Variants in PYGO1 observed in about 807,000 individuals in gnomAD.
PYGO1 encodes the protein pygopus homolog 1.
PYGO1 carries 6 observed loss-of-function variants against 29.5 expected under a neutral mutation model. The ratio of observed to expected loss-of-function variants is 0.20; its 90% CI spans 0.11 to 0.40. The LOEUF (loss-of-function observed/expected upper bound fraction) is 0.40. Among genes scored for constraint, PYGO1 ranks in the 10% least tolerant of loss-of-function variants. The pLI is 1.00. For synonymous variants in PYGO1, 186 were observed against 180.5 expected, an observed-to-expected ratio of 1.03 and a Z score of -0.24; for missense variants, 515 against 514.9, an observed-to-expected ratio of 1.00 and a Z score of 0.00.
At chr15:55,553,242 T>C (rs6493796) in intron 1 of PYGO1, among the ~76,000 whole-genome samples, 1 of 151,800 alleles carries the variant, frequency 6.6e-6, no homozygotes, top group African/African-American at 2.4e-5. Context: ...ACTCTCCCCA[T>C]GATGGAGCCC....
At chr15:55,578,900 T>C (rs773719345) in intron 1 of PYGO1, among the ~76,000 whole-genome samples, 38 of 152,208 alleles carry the variant, frequency 2.5e-4, no homozygotes, top group African/African-American at 6.0e-4. Flanking sequence ...ACTAAGCTTA[T>C]CTACCTCTAA....
In PYGO1 at chr15:55,546,046, A is replaced by G; in HGVS notation, c.1237T>C (p.Ser413Pro). 6.2e-7 allele frequency: 1 copy of G among 1,611,496 alleles called. No homozygotes were observed. Among genetic ancestry groups the G allele is most frequent in the African/African-American group, 1.3e-5 (1 of 75,006 alleles). ...LMRTRETFGP[S>P]AVGSDA ...GATTAAGCATCACTGCCCACTGCAGATGGACCAAAAGTTTCTCTAGTACGC... is the reference window on the plus strand; with the variant it reads ...GATTAAGCATCACTGCCCACTGCAGGTGGACCAAAAGTTTCTCTAGTACGC... Residue 413 changes from serine to proline, a missense_variant, in exon 3 of 3, where the codon TCT becomes CCT. Transcript: ENST00000563719.
chr15:55,553,566 C>G (rs2058889684), intron 1 of PYGO1, among the ~76,000 whole-genome samples: 1 of 151,984 alleles, frequency 6.6e-6, no homozygotes, highest in African/African-American at 2.4e-5. Context: ...CACTTGCCAC[C>G]ACCACTAACT....
At position 55,541,859 on chromosome 15, in the gene PYGO1, T is replaced by C. The variant is rs113112482; in HGVS notation, c.*4164A>G. The C allele has an allele frequency of 6.6e-6, 1 of 152,304 alleles. No homozygotes were observed. The highest frequency in any genetic ancestry group is 2.4e-5 in the African/African-American group (1 of 41,576). 9.4% of individuals were successfully genotyped at this position (152,304 alleles called of 1,614,324 possible). On this transcript the variant is annotated 3_prime_UTR_variant, in exon 3 of 3. Coordinates refer to ENST00000563719, the MANE Select transcript of PYGO1 (RefSeq NM_001367806.1). Reference sequence around the variant, plus strand: ...TCTTTCTCCCTCCTACACTGATTGATTGGTTTCCTAAAGAAAACTGAGAGT... The same window carrying C: ...TCTTTCTCCCTCCTACACTGATTGACTGGTTTCCTAAAGAAAACTGAGAGT...
rs1385198001 is a variant in PYGO1 at position 55,538,950 on chromosome 15, C to A, written c.*7073G>T. On this transcript the variant is annotated 3_prime_UTR_variant, in exon 3 of 3. Transcript: ENST00000563719. Reference sequence around the variant, plus strand: ...CCATAATAACACTATAGGAAACAAACTTACAATACATATTATTCAAGAAAG... The same window carrying A: ...CCATAATAACACTATAGGAAACAAAATTACAATACATATTATTCAAGAAAG... 3 of 152,118 alleles carry A rather than the reference C, an allele frequency of 2.0e-5. No individual in the cohort carries two copies. Among genetic ancestry groups the A allele is most frequent in the African/African-American group, 7.2e-5 (3 of 41,422 alleles). 9.4% of individuals were successfully genotyped at this position (152,118 alleles called of 1,614,324 possible).
At chr15:55,578,537 A>G (rs1277054652) in intron 1 of PYGO1, among the ~76,000 whole-genome samples, 1 of 152,200 alleles carries the variant, frequency 6.6e-6, no homozygotes, top group Non-Finnish European at 1.5e-5. Context: ...GTTTTAATAT[A>G]GCCTCCTAGT....
At chr15:55,554,468 C>CAAAAAAAAAAAAAAAAAAA (rs56216226) in intron 1 of PYGO1, among the ~76,000 whole-genome samples, 54 of 122,892 alleles carry the variant, frequency 4.4e-4, no homozygotes, top group East Asian at 1.3e-3. Flanking sequence ...GACTCTGTCT[C>CAAAAAAAAAAAAAAAAAAA]AAAAAAAAAA....
chr15:55,578,282 T>C (rs546068895), intron 1 of PYGO1, among the ~76,000 whole-genome samples: 34 of 152,346 alleles, frequency 2.2e-4, no homozygotes, highest in African/African-American at 7.5e-4. Flanking sequence ...TTTGGGGCTA[T>C]TATGAATAAT....
chr15:55,556,699 T>C (rs2058906928), intron 1 of PYGO1, among the ~76,000 whole-genome samples: 1 of 144,520 alleles, frequency 6.9e-6, no homozygotes, highest in Non-Finnish European at 1.5e-5. Flanking sequence ...AAAAAAAAAA[T>C]CAATAAAGCC....
intron 1 of PYGO1, among the ~76,000 whole-genome samples, chr15:55,570,644 G>A (rs1477059759): frequency 6.6e-6 from 1 of 151,904 alleles, no homozygotes; most frequent in Non-Finnish European, 1.5e-5. Context: ...TTATAAAAAT[G>A]TGAAGATAGT....
At chr15:55,563,866 G>A (rs1477781735) in intron 1 of PYGO1, among the ~76,000 whole-genome samples, 1 of 152,166 alleles carries the variant, frequency 6.6e-6, no homozygotes, top group Non-Finnish European at 1.5e-5. Context: ...ACCGCAATGA[G>A]ATAACACTGG....
At chr15:55,570,432 T>A (rs2058975518) in intron 1 of PYGO1, among the ~76,000 whole-genome samples, 1 of 152,172 alleles carries the variant, frequency 6.6e-6, no homozygotes. Flanking sequence ...CTTGGCTGCA[T>A]GTTGGAATCA....
intron 1 of PYGO1, among the ~76,000 whole-genome samples, chr15:55,579,940 T>C (rs1200459461): frequency 1.3e-5 from 2 of 152,178 alleles, no homozygotes; most frequent in Non-Finnish European, 2.9e-5. Flanking sequence ...AATTTTATAT[T>C]TAAGAATCTA....
At chr15:55,552,396 T>C (rs1303428286) in intron 1 of PYGO1, among the ~76,000 whole-genome samples, 2 of 145,564 alleles carry the variant, frequency 1.4e-5, no homozygotes, top group Non-Finnish European at 3.0e-5. Flanking sequence ...TAGGGGGAGC[T>C]GTGGTCCATG....
Position 55,546,688 on chromosome 15 carries a change from C to G in PYGO1, c.595G>C (p.Asp199His). The change falls in exon 3 of 3, where the codon GAT becomes CAT. Residue 199 changes from aspartate to histidine, a missense_variant. Coordinates refer to ENST00000563719, the MANE Select transcript of PYGO1 (RefSeq NM_001367806.1). ...PQNASQVSNP[D>H]LASNFVPGNN... ...CCAGGAACAAAATTAGATGCCAAAT[C>G]GGGGTTAGAAACTTGGCTAGCATTC... 1 of 1,613,882 alleles carries G rather than the reference C, an allele frequency of 6.2e-7. No individual in the cohort carries two copies. Among genetic ancestry groups the G allele is most frequent in the Admixed American group, 1.7e-5 (1 of 59,982 alleles).
At chr15:55,573,008 TA>T (rs35553781) in intron 1 of PYGO1, among the ~76,000 whole-genome samples, 52,343 of 137,494 alleles carry the variant, frequency 0.38, 12,149 homozygotes, top group Non-Finnish European at 0.54. Flanking sequence ...ACTCTGTCTT[TA>T]AAAAAAAAAA....
rs56789656 is a variant in PYGO1 at position 55,552,361 on chromosome 15, C to CAAAAAAAA, written c.50-3374_50-3367dup. ...GGGCAAAAGAGCGAGACTCTGTCTCCAAAAAAAAAAAAAAAAAAAAAAGGT... is the reference window on the plus strand; with the variant it reads ...GGGCAAAAGAGCGAGACTCTGTCTCCAAAAAAAAAAAAAAAAAAAAAAAAAAAAAAGGT... On this transcript the variant is annotated intron_variant, in intron 1 of 2. Transcript: ENST00000563719. Among the ~76,000 whole-genome samples, 273 of 52,992 alleles carry CAAAAAAAA rather than the reference C, an allele frequency of 5.2e-3. 4 individuals are homozygous for CAAAAAAAA. The highest frequency in any genetic ancestry group is 0.015 in the African/African-American group (261 of 17,458). The allele number at this position is 52,992 out of a possible 152,430, so 34.8% of individuals were successfully genotyped here.
intron 1 of PYGO1, among the ~76,000 whole-genome samples, chr15:55,567,824 A>G (rs997884465): frequency 6.6e-6 from 1 of 152,182 alleles, no homozygotes; most frequent in Admixed American, 6.5e-5. Flanking sequence ...ATGGATAGCC[A>G]GCTATCCCAG....
intron 1 of PYGO1, among the ~76,000 whole-genome samples, chr15:55,559,434 G>A (rs955775039): frequency 2.0e-5 from 3 of 152,088 alleles, no homozygotes; most frequent in Non-Finnish European, 4.4e-5. Flanking sequence ...ATTCCTCAAG[G>A]ATCTAGACCT....
Sources: allele counts gnomAD v4.1 joint callset (sites outside exome capture counted in the v4.1 genomes callset), GRCh38; gene constraint gnomAD v4.1.1; transcripts MANE v1.5; gene names NCBI Gene and HGNC (gene_info 2026-07-23, HGNC 2026-07-21).